Variants in CERKL observed in about 807,000 individuals in gnomAD.
CERKL encodes the protein ceramide kinase-like protein.
Under a neutral mutation model 63.4 loss-of-function variants are expected in CERKL, and 61 were observed. The ratio of observed to expected loss-of-function variants is 0.96; its 90% CI spans 0.78 to 1.19. The LOEUF (loss-of-function observed/expected upper bound fraction) is 1.19. Among genes scored for constraint, CERKL ranks in the 50% most tolerant of loss-of-function variants. CERKL has a pLI of 0.00. For missense variants in CERKL, 675 were observed against 655.5 expected, an observed-to-expected ratio of 1.03 and a Z score of -0.33; for synonymous variants, 250 against 230.5, an observed-to-expected ratio of 1.08 and a Z score of -0.77.
intron 1 of CERKL, among the ~76,000 whole-genome samples, chr2:181,625,638 C>T (rs12052841): frequency 0.18 from 26,963 of 152,028 alleles, 3,768 homozygotes; most frequent in African/African-American, 0.39. Flanking sequence ...TCAGAAAGGA[C>T]ACTGGTGTAG....
chr2:181,563,168 G>C (rs1688517828), intron 4 of CERKL, among the ~76,000 whole-genome samples: 1 of 151,856 alleles, frequency 6.6e-6, no homozygotes, highest in Non-Finnish European at 1.5e-5. Context: ...CAGTAAAATA[G>C]GGAGCAATAT....
chr2:181,562,801 T>C (rs1173914119), intron 4 of CERKL, among the ~76,000 whole-genome samples: 1 of 152,140 alleles, frequency 6.6e-6, no homozygotes, highest in Non-Finnish European at 1.5e-5. Context: ...CAATATATTG[T>C]TGTAGTTTTG....
chr2:181,554,164 CAAAA>C (rs36086391), intron 5 of CERKL, among the ~76,000 whole-genome samples: 21 of 94,214 alleles, frequency 2.2e-4, no homozygotes, highest in South Asian at 3.7e-4. Context: ...ACTATGGAGG[CAAAA>C]AAAAAAAAAA....
chr2:181,603,925 A>G lies in CERKL; in HGVS notation c.393T>C (p.Asn131=). 6.2e-7 allele frequency: 1 copy of G among 1,613,200 alleles called. No individual in the cohort carries two copies. Among genetic ancestry groups the G allele is most frequent in the Non-Finnish European group, 8.5e-7 (1 of 1,179,516 alleles). ...GATCAAGTGTAGAATTCTTTAGTTT[A>G]TTTTGTTCCTTTTTCAAGCAGATGA... ...TLFICLKKEQ[N]KLKNSTLDLI... Residue 131 remains asparagine, a synonymous_variant, in exon 2 of 13, where the codon AAT becomes AAC. Transcript: ENST00000410087.
In CERKL at chr2:181,537,708, A is replaced by G. The variant is rs1320392568; in HGVS notation, c.*476T>C. On this transcript the variant is annotated 3_prime_UTR_variant, in exon 13 of 13. Transcript: ENST00000410087. ...ATATTGATGTATTATGATGGTTGCA[A>G]AGTTTTTTTGTGTGTCCAATAAACA... 16 of 425,232 alleles carry G rather than the reference A, an allele frequency of 3.8e-5. No individual in the cohort carries two copies. The highest frequency in any genetic ancestry group is 3.4e-4 in the Admixed American group (13 of 37,742). The allele number at this position is 425,232 out of a possible 1,614,324, so 26.3% of individuals were successfully genotyped here.
At chr2:181,549,767 T>C in intron 5 of CERKL, 59 bp from the exon 6 acceptor site, 1 of 1,098,316 alleles carries the variant, frequency 9.1e-7, no homozygotes, top group Non-Finnish European at 1.4e-6. Context: ...AACTAACATT[T>C]GCTTTTACTT....
rs1224828315 is a variant in CERKL, at chr2:181,656,773, CG to C, written c.233del (p.Pro78ArgfsTer24). 1 of 1,591,474 alleles carries C rather than the reference CG, an allele frequency of 6.3e-7. No homozygotes were observed. On this transcript the variant is annotated frameshift_variant, in exon 1 of 13. Coordinates refer to ENST00000410087, the MANE Select transcript of CERKL (RefSeq NM_201548.5). LOFTEE classifies it high-confidence loss of function. ...CGCTTGGGGCCGGGCACTCACCCGC[CG>C]GGCGCTCGGGCTGAATGGGCCGCCA... ...LRWRPIQPER[P>X]AGDSKYDLLC... is the part of the protein sequence containing the mutation.
At position 181,558,325 on chromosome 2, in the gene CERKL, T is replaced by C. The variant is rs553930026; in HGVS notation, c.820+241A>G. On this transcript the variant is annotated intron_variant, in intron 5 of 12. Coordinates refer to ENST00000410087, the MANE Select transcript of CERKL (RefSeq NM_201548.5). The surrounding 1 kb of genome is among the most constrained non-coding windows in gnomAD (Gnocchi z 4.2). ...CCTTTACTAAACCAAACGTTAGTAC[T>C]ACAATAACCTTGTAATAAAGTGAAT... is the stretch of plus-strand genomic sequence containing the variant. Among the ~76,000 whole-genome samples, 2 of 152,284 alleles carry C rather than the reference T, an allele frequency of 1.3e-5. No homozygotes were observed. Among genetic ancestry groups the C allele is most frequent in the African/African-American group, 2.4e-5 (1 of 41,566 alleles).
chr2:181,643,754 C>A (rs1282000272), intron 1 of CERKL, among the ~76,000 whole-genome samples: 1 of 152,160 alleles, frequency 6.6e-6, no homozygotes, highest in Non-Finnish European at 1.5e-5. Flanking sequence ...ACAGAGATCC[C>A]TAAATTGATC....
chr2:181,634,110 A>G (rs758955668), intron 1 of CERKL, among the ~76,000 whole-genome samples: 1 of 152,192 alleles, frequency 6.6e-6, no homozygotes, highest in Non-Finnish European at 1.5e-5. Context: ...ATCCATAGAC[A>G]GCTTCGGTTT....
rs1297230934 is a variant in CERKL, at chr2:181,558,159, C to T, written c.820+407G>A. The stretch of plus-strand genomic sequence containing the variant: ...CAATTATGCAAGTTACCATATTCAC[C>T]TCATATGGAATTGTAAGCAGCTAGA... On this transcript the variant is annotated intron_variant, in intron 5 of 12. Coordinates refer to ENST00000410087, the MANE Select transcript of CERKL (RefSeq NM_201548.5). This position sits in a 1 kb window ranked among gnomAD's most constrained non-coding sequence, Gnocchi z 4.2. Among the ~76,000 whole-genome samples the T allele has an allele frequency of 2.0e-5, 3 of 152,142 alleles. No homozygotes were observed. The highest frequency in any genetic ancestry group is 4.4e-5 in the Non-Finnish European group (3 of 68,034).
rs1687900910 is a variant in CERKL at position 181,549,664 on chromosome 2, CAT to C, written c.863_864del (p.His288ArgfsTer55). ...ATAATGTGCAATGTTGCAGTTATCACATGAGGAACTCCATGAAGAGAATGTGC... is the reference window on the plus strand; with the variant it reads ...ATAATGTGCAATGTTGCAGTTATCACGAGGAACTCCATGAAGAGAATGTGC... ...VLAHSLHGVP[H>X]VITATLHIIM... is the part of the protein sequence containing the mutation. On this transcript the variant is annotated frameshift_variant, in exon 6 of 13. Transcript: ENST00000410087. LOFTEE classifies it high-confidence loss of function. The C allele has an allele frequency of 6.2e-7, 1 of 1,612,380 alleles. No individual in the cohort carries two copies. The highest frequency in any genetic ancestry group is 8.5e-7 in the Non-Finnish European group (1 of 1,178,804).
intron 1 of CERKL, among the ~76,000 whole-genome samples, chr2:181,604,369 GAAT>G (rs1477951788): frequency 6.6e-6 from 1 of 152,058 alleles, no homozygotes; most frequent in Non-Finnish European, 1.5e-5. Flanking sequence ...TTAAATGTAT[GAAT>G]AATAGTTAAA....
chr2:181,625,079 T>C (rs1345980963), intron 1 of CERKL, among the ~76,000 whole-genome samples: 2 of 151,984 alleles, frequency 1.3e-5, no homozygotes, highest in Non-Finnish European at 2.9e-5. Context: ...AGGACAGACA[T>C]GGGAAAATGA....
At chr2:181,579,178 A>G (rs1350606035) in intron 2 of CERKL, among the ~76,000 whole-genome samples, 2 of 151,998 alleles carry the variant, frequency 1.3e-5, no homozygotes, top group African/African-American at 4.8e-5. Context: ...AATTAAATGT[A>G]AAGTGCTTAG....
Position 181,558,535 on chromosome 2 carries a change from C to A in CERKL, c.820+31G>T. The A allele has an allele frequency of 6.2e-7, 1 of 1,609,254 alleles. No homozygotes were observed. Among genetic ancestry groups the A allele is most frequent in the South Asian group, 1.1e-5 (1 of 90,932 alleles). The stretch of plus-strand genomic sequence containing the variant: ...AAGAAAGGAAAAGAGGGAGAAGGGT[C>A]AGTTTAATGAATCTGTAGCCACTCC... On this transcript the variant is annotated intron_variant, in intron 5 of 12. Transcript: ENST00000410087. This position sits in a 1 kb window ranked among gnomAD's most constrained non-coding sequence, Gnocchi z 4.2.
In CERKL at chr2:181,604,929, G is replaced by A. The variant is rs190645733; in HGVS notation, c.239-850C>T. 3.0e-3 allele frequency among the ~76,000 whole-genome samples: 464 copies of A among 152,154 alleles called. 5 individuals are homozygous for A. The highest frequency in any genetic ancestry group is 0.01 in the African/African-American group (420 of 41,486). ...AACCATAGGTCAGAAAATAATTATT[G>A]TGGAAAAGACCATTTCAATTGACTC... On this transcript the variant is annotated intron_variant, in intron 1 of 12. Transcript: ENST00000410087.
chr2:181,619,438 G>A (rs979505523), intron 1 of CERKL, among the ~76,000 whole-genome samples: 5 of 152,016 alleles, frequency 3.3e-5, no homozygotes, highest in East Asian at 1.9e-4. Context: ...TCAGATTATG[G>A]TAATTGGCCC....
At chr2:181,541,452 G>A (rs1240343021) in intron 11 of CERKL, among the ~76,000 whole-genome samples, 1 of 152,244 alleles carries the variant, frequency 6.6e-6, no homozygotes, top group East Asian at 1.9e-4. Context: ...CACTGGGAAT[G>A]TGGTGGAGGG....
Sources: allele counts gnomAD v4.1 joint callset (sites outside exome capture counted in the v4.1 genomes callset), GRCh38; gene constraint gnomAD v4.1.1; non-coding constraint Gnocchi (gnomAD v3.1); transcripts MANE v1.5; gene names NCBI Gene and HGNC (gene_info 2026-07-23, HGNC 2026-07-21).